The following EFCC1 variants were observed in gnomAD, a reference collection of about 807,000 sequenced individuals.
EFCC1 encodes EF-hand and coiled-coil domain containing 1, also known as EF-hand and coiled-coil domain-containing protein 1.
A neutral mutation model predicts 52.1 loss-of-function variants in EFCC1; 50 were observed. The observed-to-expected ratio is 0.96, with a 90% CI of 0.76 to 1.21. The LOEUF is 1.21. Ranked by LOEUF, EFCC1 falls within the 50% of genes most tolerant of loss-of-function variation. The pLI, the probability that EFCC1 is intolerant of heterozygous loss-of-function variation, is 0.00. For missense variants in EFCC1, 837 were observed against 867.3 expected (o/e 0.97, Z 0.44); for synonymous variants, 399 against 396.5 (o/e 1.01, Z -0.08).
intron 2 of EFCC1, among the ~76,000 whole-genome samples, chr3:129,021,395 C>G (rs1013782318): frequency 1.3e-5 from 2 of 152,180 alleles, no homozygotes; most frequent in Non-Finnish European, 2.9e-5. Context: ...AGAGGCACAT[C>G]AAAGACAGTG....
intron 2 of EFCC1, among the ~76,000 whole-genome samples, chr3:129,017,400 C>T (rs1945632597): frequency 6.6e-6 from 1 of 152,232 alleles, no homozygotes. Context: ...CTCATAATTC[C>T]GTAGGCCGGA....
intron 2 of EFCC1, 109 bp downstream of exon 2, chr3:129,004,186 TC>T: frequency 7.9e-7 from 1 of 1,258,396 alleles, no homozygotes; most frequent in Admixed American, 4.0e-5. Flanking sequence ...CCGCAGTTTC[TC>T]CATGCGTTTA....
chr3:129,008,704 G>T (rs1485415327), intron 2 of EFCC1, among the ~76,000 whole-genome samples: 3 of 152,234 alleles, frequency 2.0e-5, no homozygotes, highest in African/African-American at 7.2e-5. Context: ...TTTCAGAGCT[G>T]TAGGAGTTGC....
intron 6 of EFCC1, 39 bp downstream of exon 6, chr3:129,037,156 AAGG>A (rs1946367368): frequency 1.9e-6 from 3 of 1,567,380 alleles, no homozygotes; most frequent in Middle Eastern, 2.1e-4. Flanking sequence ...AGGGAAGGGA[AAGG>A]AGCTCTTGGG....
rs544808386 is a variant in EFCC1 at position 129,005,449 on chromosome 3, G to A, written c.980+1372G>A. 3.9e-5 allele frequency among the ~76,000 whole-genome samples: 6 copies of A among 152,370 alleles called. No individual in the cohort carries two copies. In the South Asian group the frequency reaches 1.2e-3, roughly 32 times the overall value. ...CTGAAGGGAGGCCCATTTAGGGCCTGGAAGGTGGCAGCAAGGATTTCAGTT... is the reference window on the plus strand; with the variant it reads ...CTGAAGGGAGGCCCATTTAGGGCCTAGAAGGTGGCAGCAAGGATTTCAGTT... On this transcript the variant is annotated intron_variant, in intron 2 of 7. Transcript: ENST00000683648.
At chr3:129,026,165 T>C (rs1212782131) in intron 2 of EFCC1, among the ~76,000 whole-genome samples, 1 of 152,228 alleles carries the variant, frequency 6.6e-6, no homozygotes, top group Non-Finnish European at 1.5e-5. Context: ...TAGTTGGTAT[T>C]GTCGTTGCTG....
Position 129,022,386 on chromosome 3 carries a change from C to G in EFCC1, c.981-8317C>G, listed in dbSNP as rs985502888. 2.3e-4 allele frequency among the ~76,000 whole-genome samples: 35 copies of G among 152,340 alleles called. 1 individual carries two copies. Among genetic ancestry groups the G allele is most frequent in the Admixed American group, 2.2e-3 (34 of 15,302 alleles). On this transcript the variant is annotated intron_variant, in intron 2 of 7. Coordinates refer to ENST00000683648, the MANE Select transcript of EFCC1 (RefSeq NM_001377500.1). ...CAGGTTTGCGGCTCCTCAGATCCACCTCTTTGCATCACAGAACTGAAGGAG... is the reference window on the plus strand; with the variant it reads ...CAGGTTTGCGGCTCCTCAGATCCACGTCTTTGCATCACAGAACTGAAGGAG...
chr3:129,039,075 C>T (rs1946391903), intron 7 of EFCC1, among the ~76,000 whole-genome samples, 175 bp downstream of exon 7: 1 of 152,204 alleles, frequency 6.6e-6, no homozygotes, highest in South Asian at 2.1e-4. Flanking sequence ...GCACAGAAGC[C>T]CCAGGCAGAA....
At chr3:129,037,497 A>G (rs903882761) in intron 6 of EFCC1, among the ~76,000 whole-genome samples, 1 of 152,218 alleles carries the variant, frequency 6.6e-6, no homozygotes, top group Non-Finnish European at 1.5e-5. Flanking sequence ...CAACATGACC[A>G]AGTTGGACTT....
intron 2 of EFCC1, among the ~76,000 whole-genome samples, chr3:129,025,748 CCCCAGGGCT>C (rs143442116): frequency 0.26 from 39,591 of 151,790 alleles, 5,455 homozygotes; most frequent in Middle Eastern, 0.38. Context: ...CAGTAGCACA[CCCCAGGGCT>C]CCCTGAGGAA....
Position 129,001,823 on chromosome 3 carries a change from C to T in EFCC1, c.195C>T (p.His65=), listed in dbSNP as rs767185316. ...LDQYLQEVFH[H]LDCRGAGRLP... The stretch of plus-strand genomic sequence containing the variant: ...AGTACCTGCAGGAGGTCTTCCACCA[C>T]CTGGACTGCCGCGGCGCCGGCCGTC... The change falls in exon 1 of 8, where the codon CAC becomes CAT. Residue 65 remains histidine (H), a synonymous_variant. Transcript: ENST00000683648. The T allele has an allele frequency of 6.5e-6, 10 of 1,545,502 alleles. No individual in the cohort carries two copies. Among genetic ancestry groups the T allele is most frequent in the South Asian group, 6.0e-5 (5 of 83,598 alleles).
intron 2 of EFCC1, among the ~76,000 whole-genome samples, chr3:129,006,469 C>T (rs1945080700): frequency 6.6e-6 from 1 of 152,190 alleles, no homozygotes; most frequent in South Asian, 2.1e-4. Context: ...ATGCATGCCA[C>T]CATGCCCAGG....
intron 3 of EFCC1, 61 bp from the exon 4 acceptor site, chr3:129,032,758 G>C (rs922345291): frequency 3.9e-6 from 6 of 1,528,990 alleles, no homozygotes; most frequent in Admixed American, 2.0e-5. Context: ...ATGTCCCCCT[G>C]GGGAGGGATG....
intron 4 of EFCC1, 79 bp downstream of exon 4, chr3:129,033,045 G>T: frequency 7.0e-7 from 1 of 1,429,222 alleles, no homozygotes; most frequent in East Asian, 2.6e-5. Flanking sequence ...CACCTGGGAG[G>T]CTGGTTAGCC....
intron 5 of EFCC1, among the ~76,000 whole-genome samples, chr3:129,035,047 C>T (rs1048972862): frequency 1.4e-4 from 21 of 151,968 alleles, no homozygotes; most frequent in African/African-American, 3.9e-4. Context: ...AGTCTCTATT[C>T]CACAGTAGCC....
intron 7 of EFCC1, 77 bp downstream of exon 7, chr3:129,038,977 C>A: frequency 8.3e-7 from 1 of 1,211,046 alleles, no homozygotes; most frequent in Non-Finnish European, 1.2e-6. Flanking sequence ...CAGTGTGCTT[C>A]ATGCTTAGCA....
Position 129,001,566 on chromosome 3 carries a change from C to T in EFCC1, c.-63C>T. 7 of 1,348,778 alleles carry T rather than the reference C, an allele frequency of 5.2e-6. No homozygotes were observed. Among genetic ancestry groups the T allele is most frequent in the Non-Finnish European group, 4.7e-6 (5 of 1,056,456 alleles). The allele number at this position is 1,348,778 out of a possible 1,614,324, so 83.6% of individuals were successfully genotyped here. On this transcript the variant is annotated 5_prime_UTR_variant, in exon 1 of 8. Coordinates refer to ENST00000683648, the MANE Select transcript of EFCC1 (RefSeq NM_001377500.1). ...CTTTCGAGAAACTCTGGGGCCGCCC[C>T]TGGAAGTGGCGGGGCGAAGGGACCG...
At chr3:129,015,615 C>T (rs1945544655) in intron 2 of EFCC1, among the ~76,000 whole-genome samples, 1 of 152,054 alleles carries the variant, frequency 6.6e-6, no homozygotes, top group Non-Finnish European at 1.5e-5. Context: ...TCCGTGTCTG[C>T]TCGCACACTC....
At chr3:129,035,791 G>A (rs1406643566) in intron 5 of EFCC1, among the ~76,000 whole-genome samples, 2 of 152,112 alleles carry the variant, frequency 1.3e-5, no homozygotes, top group African/African-American at 4.8e-5. Flanking sequence ...CAGACTGCCG[G>A]GATTCAAATC....
Sources: allele counts gnomAD v4.1 joint callset (sites outside exome capture counted in the v4.1 genomes callset), GRCh38; gene constraint gnomAD v4.1.1; transcripts MANE v1.5; gene names NCBI Gene and HGNC (gene_info 2026-07-23, HGNC 2026-07-21).